AFF1: variants seen among roughly 807,000 people sequenced by gnomAD.
AFF1 encodes AF4/FMR2 family member 1.
In AFF1, 48 loss-of-function variants were observed where a neutral mutation model predicts 121.7. That is an observed-to-expected ratio of 0.39 (90% CI 0.31 to 0.50). The LOEUF (loss-of-function observed/expected upper bound fraction) is 0.50. AFF1 is among the 20% of genes least tolerant of loss of function. The pLI is 0.76. For missense variants in AFF1, 1,523 were observed against 1,511.7 expected (o/e 1.01, Z -0.12); for synonymous variants, 613 against 563.0 (o/e 1.09, Z -1.26).
intron 2 of AFF1, chr4:87,007,368 C>G: frequency 6.2e-7 from 1 of 1,612,952 alleles, no homozygotes; most frequent in Admixed American, 1.7e-5. Context: ...GGGGTGAAGG[C>G]GCTCATGGAC....
intron 2 of AFF1, among the ~76,000 whole-genome samples, chr4:86,976,282 A>G (rs1437041632): frequency 3.3e-5 from 5 of 152,144 alleles, no homozygotes; most frequent in Non-Finnish European, 5.9e-5. Flanking sequence ...GGCATTTTGC[A>G]TTGCAAGGAG....
chr4:86,982,586 G>C (rs1037032191), intron 2 of AFF1, among the ~76,000 whole-genome samples: 21 of 151,036 alleles, frequency 1.4e-4, no homozygotes, highest in African/African-American at 4.8e-4. Context: ...GGCTGGGCGT[G>C]GTGGCTCATG....
At chr4:87,062,443 T>C (rs934868706) in intron 4 of AFF1, among the ~76,000 whole-genome samples, 1 of 152,136 alleles carries the variant, frequency 6.6e-6, no homozygotes, top group African/African-American at 2.4e-5. Flanking sequence ...TATTATCACC[T>C]TGGGATTTAA....
chr4:87,111,145 C>T (rs1726482853), intron 11 of AFF1, among the ~76,000 whole-genome samples: 1 of 83,816 alleles, frequency 1.2e-5, no homozygotes, highest in East Asian at 3.3e-4. Context: ...GTAGCTGGGA[C>T]TACAGGCGCC....
intron 2 of AFF1, among the ~76,000 whole-genome samples, chr4:86,996,259 A>C (rs1725181468): frequency 1.3e-5 from 2 of 152,138 alleles, no homozygotes; most frequent in African/African-American, 4.8e-5. Context: ...CCATGATGAC[A>C]ATGGCGGTTT....
intron 2 of AFF1, among the ~76,000 whole-genome samples, chr4:86,991,226 C>T (rs910479928): frequency 9.2e-5 from 14 of 151,988 alleles, no homozygotes; most frequent in Admixed American, 5.2e-4. Context: ...AGGCGGATCA[C>T]GAGATCAGGA....
At chr4:87,070,724 T>G (rs1348818861) in intron 4 of AFF1, among the ~76,000 whole-genome samples, 1 of 152,260 alleles carries the variant, frequency 6.6e-6, no homozygotes, top group East Asian at 1.9e-4. Context: ...TTCACCAGTC[T>G]AGGAAAATTT....
intron 2 of AFF1, among the ~76,000 whole-genome samples, chr4:86,968,273 A>G (rs2149476155): frequency 6.6e-6 from 1 of 152,224 alleles, no homozygotes; most frequent in African/African-American, 2.4e-5. Flanking sequence ...CTGTCATTGG[A>G]CAGCTGATTA....
intron 4 of AFF1, among the ~76,000 whole-genome samples, chr4:87,072,039 T>C (rs1396278190): frequency 6.6e-6 from 1 of 151,872 alleles, no homozygotes; most frequent in African/African-American, 2.4e-5. Flanking sequence ...TAAATTGAGA[T>C]GGAGAGAAAA....
At chr4:87,010,811 G>A (rs1423396952) in intron 2 of AFF1, among the ~76,000 whole-genome samples, 4 of 152,152 alleles carry the variant, frequency 2.6e-5, no homozygotes, top group South Asian at 4.1e-4. Context: ...ACCTGGGCCG[G>A]GTGTGGTGGC....
intron 2 of AFF1, among the ~76,000 whole-genome samples, chr4:87,042,481 T>G (rs56395939): frequency 0.21 from 31,872 of 152,132 alleles, 3,512 homozygotes; most frequent in East Asian, 0.32. Flanking sequence ...GAGGGAGTTG[T>G]TGGACAGTGT....
intron 2 of AFF1, among the ~76,000 whole-genome samples, chr4:87,026,129 C>T (rs1173584109): frequency 5.3e-5 from 8 of 150,648 alleles, no homozygotes; most frequent in South Asian, 2.1e-4. Context: ...TGCTTGAACC[C>T]GGGAGGTGGA....
At chr4:87,076,865 A>C (rs1441705899) in intron 4 of AFF1, among the ~76,000 whole-genome samples, 2 of 152,220 alleles carry the variant, frequency 1.3e-5, no homozygotes, top group East Asian at 3.9e-4. Context: ...CAGTATGAGC[A>C]TGTTCTTGGA....
intron 2 of AFF1, among the ~76,000 whole-genome samples, chr4:87,024,717 A>T (rs1728356385): frequency 6.6e-6 from 1 of 151,852 alleles, no homozygotes. Context: ...CAGCCTCCTG[A>T]GGCTGGGATT....
chr4:87,057,768 A>AT (rs1720298989), intron 4 of AFF1, among the ~76,000 whole-genome samples: 1 of 152,208 alleles, frequency 6.6e-6, no homozygotes, highest in East Asian at 1.9e-4. Flanking sequence ...CTAAGACTTG[A>AT]TTTTAAAGTA....
At chr4:86,944,896 G>C (rs1414728711) in intron 1 of AFF1, among the ~76,000 whole-genome samples, 1 of 152,122 alleles carries the variant, frequency 6.6e-6, no homozygotes, top group Non-Finnish European at 1.5e-5. Flanking sequence ...ACACACTCTT[G>C]AATTATGAAT....
intron 4 of AFF1, among the ~76,000 whole-genome samples, chr4:87,060,934 T>A (rs922717458): frequency 4.6e-5 from 7 of 151,514 alleles, no homozygotes; most frequent in African/African-American, 1.7e-4. Context: ...CAACCTGGGC[T>A]TAATTTTCTA....
intron 2 of AFF1, among the ~76,000 whole-genome samples, chr4:86,980,953 C>CA (rs1553912231): frequency 7.3e-6 from 1 of 136,180 alleles, no homozygotes; most frequent in Non-Finnish European, 1.6e-5. Flanking sequence ...AGGCACCCCC[C>CA]CCCTCCACCA....
At chr4:87,106,246 G>C (rs764000724) in intron 10 of AFF1, among the ~76,000 whole-genome samples, 2 of 152,210 alleles carry the variant, frequency 1.3e-5, no homozygotes, top group Non-Finnish European at 2.9e-5. Flanking sequence ...AGCCAGGCAT[G>C]GTGGCGCATG....
Sources: gnomAD v4.1 joint callset for allele counts (sites outside exome capture counted in the v4.1 genomes callset) on GRCh38, gnomAD v4.1.1 for gene constraint, MANE v1.5 for transcripts, NCBI Gene and HGNC (gene_info 2026-07-23, HGNC 2026-07-21) for gene names.